AHCY: variants seen among roughly 807,000 people sequenced by gnomAD.
AHCY encodes S-adenosyl-L-homocysteine hydrolase.
In AHCY, 24 loss-of-function variants were observed where a neutral mutation model predicts 45.4. The ratio of observed to expected loss-of-function variants is 0.53; its 90% CI spans 0.38 to 0.74. The LOEUF is 0.74. Among genes scored for constraint, AHCY ranks in the 30% least tolerant of loss-of-function variants. The probability of loss-of-function intolerance (pLI) is 0.00; values close to 1 mark genes in which losing one functional copy is unlikely to be tolerated. For synonymous variants in AHCY, 245 were observed against 235.1 expected (o/e 1.04, Z -0.39); for missense variants, 449 against 594.1 (o/e 0.76, Z 2.54).
At chr20:34,292,299 G>A in intron 4 of AHCY, 59 bp downstream of exon 4, 3 of 1,585,380 alleles carry the variant, frequency 1.9e-6, no homozygotes, top group Non-Finnish European at 2.6e-6. Context: ...GCCATCATGT[G>A]GGCAAACAGG....
chr20:34,282,305 C>T (rs1027285334), intron 9 of AHCY, among the ~76,000 whole-genome samples: 3 of 152,156 alleles, frequency 2.0e-5, no homozygotes, highest in Admixed American at 6.5e-5. Context: ...GAATTGAGAC[C>T]TCCTGTCAAC....
the AHCY span, among the ~76,000 whole-genome samples, chr20:34,239,811 C>G: frequency 6.6e-6 from 1 of 152,138 alleles, no homozygotes; most frequent in Non-Finnish European, 1.5e-5. Flanking sequence ...TGTGCCATCC[C>G]CTATCCCACT....
the AHCY span, among the ~76,000 whole-genome samples, chr20:34,265,231 A>C: frequency 1.7e-3 from 255 of 152,312 alleles, 1 homozygote; most frequent in African/African-American, 5.8e-3. Flanking sequence ...GGAGTCAAAA[A>C]TAATATGAGG....
In AHCY at chr20:34,309,009, G is replaced by C. The variant is rs1323866421; in HGVS notation, c.-57+2463C>G. Among the ~76,000 whole-genome samples the C allele has an allele frequency of 2.2e-5, 3 of 133,442 alleles. No homozygotes were observed. The East Asian group carries it at 6.5e-4, about 29-fold the overall frequency. The allele number at this position is 133,442 out of a possible 152,430, so 87.5% of individuals were successfully genotyped here. ...GAGTCTCCCTCTGCTGCTCAAGCTA[G>C]GGTACAGTGGCACACTCTCAGCTCA... On this transcript the variant is annotated intron_variant, in intron 1 of 9. Coordinates refer to the AHCY transcript ENST00000538132.
At chr20:34,281,543 G>T in intron 9 of AHCY, 1 of 347,074 alleles carries the variant, frequency 2.9e-6, no homozygotes, top group South Asian at 2.4e-5. Flanking sequence ...ACAGGGAAGG[G>T]TATCTATCAA....
At chr20:34,262,343 G>A in the AHCY span, among the ~76,000 whole-genome samples, 1 of 152,300 alleles carries the variant, frequency 6.6e-6, no homozygotes, top group Non-Finnish European at 1.5e-5. Context: ...CAGCCACATA[G>A]TCATTATATT....
the AHCY span, among the ~76,000 whole-genome samples, chr20:34,235,856 G>GA: frequency 2.4e-5 from 1 of 42,514 alleles, no homozygotes; most frequent in African/African-American, 3.4e-4. Flanking sequence ...AAGGAAGGAA[G>GA]GAAGGAAGGA....
At chr20:34,246,073 C>T in the AHCY span, 2 of 881,662 alleles carry the variant, frequency 2.3e-6, no homozygotes, top group Non-Finnish European at 1.9e-6. Flanking sequence ...CTCCCCATTA[C>T]TGAGGCAGCA....
chr20:34,293,560 ACCCCCTCCTGTCC>A (rs2036473024), intron 3 of AHCY: 1 of 256,628 alleles, frequency 3.9e-6, no homozygotes, highest in Admixed American at 5.1e-5. Context: ...GTGCTGTGCC[ACCCCCTCCTGTCC>A]ACCTGTGGTT....
intron 1 of AHCY, among the ~76,000 whole-genome samples, chr20:34,310,578 A>G (rs997575987): frequency 6.6e-6 from 1 of 152,252 alleles, no homozygotes; most frequent in African/African-American, 2.4e-5. Flanking sequence ...ATTTATTCCA[A>G]AGATGTTTGT....
At chr20:34,287,551 C>T (rs1218573256) in intron 8 of AHCY, among the ~76,000 whole-genome samples, 1 of 151,942 alleles carries the variant, frequency 6.6e-6, no homozygotes, top group African/African-American at 2.4e-5. Flanking sequence ...CCACCATGCC[C>T]AGCTAATTTT....
chr20:34,278,240 G>A (rs559122299), downstream of AHCY, among the ~76,000 whole-genome samples: 1 of 152,282 alleles, frequency 6.6e-6, no homozygotes, highest in Non-Finnish European at 1.5e-5. Flanking sequence ...AAAGGTTCTG[G>A]GAACTGACAG....
At chr20:34,253,100 T>G in the AHCY span, among the ~76,000 whole-genome samples, 21 of 152,090 alleles carry the variant, frequency 1.4e-4, no homozygotes, top group African/African-American at 3.9e-4. Context: ...ACCTGATCTC[T>G]CTTTCTTTTT....
In AHCY at chr20:34,284,351, G is replaced by A. The variant is rs755991598; in HGVS notation, c.1167+1089C>T. ...ATTTTTTTGTATTTTTAGTAGAGAT[G>A]GGGTTTCACCATGTTGGCCAGGCTG... On this transcript the variant is annotated intron_variant, in intron 9 of 9. Transcript: ENST00000217426. Among the ~76,000 whole-genome samples, 52 of 151,974 alleles carry A rather than the reference G, an allele frequency of 3.4e-4. 1 individual carries two copies. Among genetic ancestry groups the A allele is most frequent in the Middle Eastern group, 6.8e-3 (2 of 294 alleles).
intron 9 of AHCY, among the ~76,000 whole-genome samples, chr20:34,281,996 G>A (rs1447372676): frequency 6.6e-6 from 1 of 152,192 alleles, no homozygotes; most frequent in South Asian, 2.1e-4. Context: ...GCAGATTCGA[G>A]AATAAAGTTC....
chr20:34,269,761 A>T, the AHCY span, among the ~76,000 whole-genome samples: 1 of 151,894 alleles, frequency 6.6e-6, no homozygotes, highest in African/African-American at 2.4e-5. Context: ...CCTGACCAAT[A>T]TGGAGAAACC....
intron 3 of AHCY, 99 bp from the exon 4 acceptor site, chr20:34,292,606 C>A: frequency 6.5e-7 from 1 of 1,543,534 alleles, no homozygotes; most frequent in Non-Finnish European, 8.9e-7. Flanking sequence ...TCCCAACTCC[C>A]ATCCCCAGCC....
In AHCY at chr20:34,280,721, T is replaced by G. The variant is rs1166036157; in HGVS notation, c.*313A>C. On this transcript the variant is annotated 3_prime_UTR_variant, in exon 10 of 10. Coordinates refer to ENST00000217426, the MANE Select transcript of AHCY (RefSeq NM_000687.4). ...CCTAGATGGCAAAACACATGGGCTT[T>G]GTGACTCCACTACTGACTTCCAGGC... is the stretch of plus-strand genomic sequence containing the variant. The G allele has an allele frequency of 4.7e-6, 2 of 425,176 alleles. No homozygotes were observed. The allele number at this position is 425,176 out of a possible 1,614,324, so 26.3% of individuals were successfully genotyped here.
At position 34,290,506 on chromosome 20, in the gene AHCY, C is replaced by T. The variant is rs777373902; in HGVS notation, c.854+45G>A. 1 of 1,613,850 alleles carries T rather than the reference C, an allele frequency of 6.2e-7. No individual in the cohort carries two copies. The highest frequency in any genetic ancestry group is 8.5e-7 in the Non-Finnish European group (1 of 1,179,716). Reference sequence around the variant, plus strand: ...TCAGGGACAGAAAGCTGTCCCAACTCTGCCCTCCTCCCTCACTCCCCGGGA... The same window carrying T: ...TCAGGGACAGAAAGCTGTCCCAACTTTGCCCTCCTCCCTCACTCCCCGGGA... On this transcript the variant is annotated intron_variant, in intron 7 of 9. Coordinates refer to ENST00000217426, the MANE Select transcript of AHCY (RefSeq NM_000687.4). The surrounding 1 kb of genome is among the most constrained non-coding windows in gnomAD (Gnocchi z 4.5).
Sources: gnomAD v4.1 joint callset for allele counts (sites outside exome capture counted in the v4.1 genomes callset) on GRCh38, gnomAD v4.1.1 for gene constraint, Gnocchi (gnomAD v3.1) non-coding constraint, MANE v1.5 for transcripts, NCBI Gene and HGNC (gene_info 2026-07-23, HGNC 2026-07-21) for gene names.